CACNB2: variants seen among roughly 807,000 people sequenced by gnomAD.
CACNB2 encodes voltage-dependent L-type calcium channel subunit beta-2.
In CACNB2, 42 loss-of-function variants were observed where a neutral mutation model predicts 73.3. That is an observed-to-expected ratio of 0.57 (90% CI 0.45 to 0.74). The LOEUF (loss-of-function observed/expected upper bound fraction) is 0.74, where lower values mean the gene tolerates loss of function less well. Ranked by LOEUF, CACNB2 falls within the 30% of genes least tolerant of loss-of-function variation. The pLI is 0.00. For synonymous variants in CACNB2, 348 were observed against 310.3 expected (o/e 1.12, Z -1.28); for missense variants, 940 against 853.0 (o/e 1.10, Z -1.27).
At chr10:18,279,504 C>T (rs1256157002) in intron 2 of CACNB2, among the ~76,000 whole-genome samples, 1 of 152,178 alleles carries the variant, frequency 6.6e-6, no homozygotes, top group East Asian at 1.9e-4. Context: ...CCTTGGCAGA[C>T]ATTTGTATTA....
Position 18,500,964 on chromosome 10 carries a change from C to G in CACNB2, c.593+16C>G. The G allele has an allele frequency of 1.2e-6, 2 of 1,612,218 alleles. No individual in the cohort carries two copies. Among genetic ancestry groups the G allele is most frequent in the Non-Finnish European group, 1.7e-6 (2 of 1,178,484 alleles). On this transcript the variant is annotated intron_variant, in intron 5 of 13. Coordinates refer to ENST00000324631, the MANE Select transcript of CACNB2 (RefSeq NM_201596.3). ...TCTACTCCAGGTATGAGACAGATGT[C>G]AAGTGTTTGCATAAAACTTAGATTA...
At chr10:18,450,959 G>T (rs1349471304) in intron 3 of CACNB2, among the ~76,000 whole-genome samples, 9 of 152,242 alleles carry the variant, frequency 5.9e-5, no homozygotes, top group Admixed American at 5.2e-4. Flanking sequence ...TTTATGAAAA[G>T]AATCACTACC....
chr10:18,470,492 A>T (rs2048127651), intron 3 of CACNB2, among the ~76,000 whole-genome samples: 2 of 150,870 alleles, frequency 1.3e-5, no homozygotes, highest in Non-Finnish European at 2.9e-5. Context: ...TACATATGAT[A>T]TACTGGATAG....
At chr10:18,294,621 A>C (rs1317737504) in intron 2 of CACNB2, among the ~76,000 whole-genome samples, 1 of 152,228 alleles carries the variant, frequency 6.6e-6, no homozygotes, top group Non-Finnish European at 1.5e-5. Flanking sequence ...TGGTTGGTTA[A>C]ACCTATTTGA....
At chr10:18,283,626 C>T (rs2038654015) in intron 2 of CACNB2, among the ~76,000 whole-genome samples, 1 of 138,354 alleles carries the variant, frequency 7.2e-6, no homozygotes, top group Non-Finnish European at 1.5e-5. Context: ...ACAATGAGAA[C>T]ACTTGGACAC....
intron 2 of CACNB2, among the ~76,000 whole-genome samples, chr10:18,284,638 G>C (rs1588937074): frequency 6.6e-6 from 1 of 152,178 alleles, no homozygotes; most frequent in African/African-American, 2.4e-5. Context: ...TTTGTGGTGA[G>C]TGCATACTGA....
chr10:18,364,161 G>C (rs965035265), intron 2 of CACNB2, among the ~76,000 whole-genome samples: 1 of 152,080 alleles, frequency 6.6e-6, no homozygotes, highest in Non-Finnish European at 1.5e-5. Flanking sequence ...GGCCAGGCTG[G>C]TCTTGAACTC....
intron 6 of CACNB2, among the ~76,000 whole-genome samples, chr10:18,508,749 A>G (rs1408792378): frequency 6.6e-6 from 1 of 152,198 alleles, no homozygotes; most frequent in African/African-American, 2.4e-5. Context: ...GACCCAGTAA[A>G]AAGTCTGACG....
At chr10:18,235,621 G>C (rs1380246391) in intron 2 of CACNB2, among the ~76,000 whole-genome samples, 1 of 152,220 alleles carries the variant, frequency 6.6e-6, no homozygotes, top group African/African-American at 2.4e-5. Context: ...AGTAGTTGCT[G>C]TTCAGGCTCG....
chr10:18,424,021 T>C (rs920451646), intron 3 of CACNB2, among the ~76,000 whole-genome samples: 1 of 152,058 alleles, frequency 6.6e-6, no homozygotes, highest in African/African-American at 2.4e-5. Context: ...ATAAGAGTAT[T>C]TATTATAGTG....
intron 2 of CACNB2, among the ~76,000 whole-genome samples, chr10:18,156,576 G>A (rs1460442079): frequency 1.3e-5 from 2 of 152,156 alleles, no homozygotes; most frequent in Non-Finnish European, 2.9e-5. Context: ...GATGTTAGTG[G>A]GATTTCCCAT....
At chr10:18,159,399 T>C (rs1183228919) in intron 2 of CACNB2, among the ~76,000 whole-genome samples, 1 of 152,216 alleles carries the variant, frequency 6.6e-6, no homozygotes, top group Non-Finnish European at 1.5e-5. Flanking sequence ...CATTGTTCTT[T>C]GGGGTTAACG....
intron 2 of CACNB2, among the ~76,000 whole-genome samples, chr10:18,208,751 T>A (rs2035199775): frequency 7.2e-6 from 1 of 139,442 alleles, no homozygotes; most frequent in South Asian, 2.1e-4. Flanking sequence ...TTTTCTGTAG[T>A]CATCTCAGCT....
intron 3 of CACNB2, among the ~76,000 whole-genome samples, chr10:18,434,933 C>A (rs953022322): frequency 6.6e-6 from 1 of 152,140 alleles, no homozygotes; most frequent in South Asian, 2.1e-4. Context: ...TGTCTTAGTG[C>A]CATTAAGAAA....
chr10:18,251,257 T>C (rs973946336), intron 2 of CACNB2, among the ~76,000 whole-genome samples: 1 of 152,090 alleles, frequency 6.6e-6, no homozygotes, highest in Non-Finnish European at 1.5e-5. Context: ...TTTTTTTTCT[T>C]TTTTTGAGAT....
At chr10:18,208,400 C>G (rs904771773) in intron 2 of CACNB2, among the ~76,000 whole-genome samples, 2 of 152,066 alleles carry the variant, frequency 1.3e-5, no homozygotes, top group African/African-American at 4.8e-5. Flanking sequence ...ATCGCTTGAG[C>G]CTGGGAGTTC....
rs746015546 is a variant in CACNB2 at position 18,538,369 on chromosome 10, AG to A, written c.1488+8del. On this transcript the variant is annotated splice_donor_5th_base_variant and intron_variant, in intron 13 of 13. Coordinates refer to ENST00000324631, the MANE Select transcript of CACNB2 (RefSeq NM_201596.3). ...CACCCTAGCCTCTAATTCACAGGTA[AG>A]GGGAGTTTTTATATATATCTATATA... 3 of 1,606,510 alleles carry A rather than the reference AG, an allele frequency of 1.9e-6. No individual in the cohort carries two copies. The highest frequency in any genetic ancestry group is 2.6e-6 in the Non-Finnish European group (3 of 1,172,876).
intron 2 of CACNB2, among the ~76,000 whole-genome samples, chr10:18,181,597 ATTTTATTTTATT>A (rs1287259013): frequency 3.5e-5 from 5 of 143,624 alleles, no homozygotes; most frequent in African/African-American, 1.3e-4. Context: ...ATTTTATTTT[ATTTTATTTTATT>A]TTATTTTATT....
chr10:18,191,130 G>A (rs929834639), intron 2 of CACNB2, among the ~76,000 whole-genome samples: 2 of 152,326 alleles, frequency 1.3e-5, no homozygotes, highest in South Asian at 2.1e-4. Flanking sequence ...AACAATATTA[G>A]GAGGAAGAAA....
Sources: gnomAD v4.1 joint callset for allele counts (sites outside exome capture counted in the v4.1 genomes callset) on GRCh38, gnomAD v4.1.1 for gene constraint, MANE v1.5 for transcripts, NCBI Gene and HGNC (gene_info 2026-07-23, HGNC 2026-07-21) for gene names.